The following CDHR3 variants were observed in gnomAD, a reference collection of about 807,000 sequenced individuals.
CDHR3 encodes the protein cadherin related family member 3.
In CDHR3, 79 loss-of-function variants were observed where a neutral mutation model predicts 86.6. The observed-to-expected ratio is 0.91, with a 90% confidence interval of 0.76 to 1.10. CDHR3 has a LOEUF of 1.10. Ranked by LOEUF, CDHR3 falls within the 50% of genes least tolerant of loss-of-function variation. CDHR3 has a pLI of 0.00. For missense variants in CDHR3, 1,081 were observed against 1,077.6 expected (o/e 1.00, Z -0.04); for synonymous variants, 421 against 402.4 (o/e 1.05, Z -0.55).
intron 16 of CDHR3, among the ~76,000 whole-genome samples, chr7:106,027,165 G>A (rs1724230273): frequency 6.6e-6 from 1 of 152,150 alleles, no homozygotes; most frequent in South Asian, 2.1e-4. Context: ...GAGAGGACGA[G>A]GTGGGTGGAT....
chr7:105,990,327 A>G (rs1326926050), intron 4 of CDHR3, among the ~76,000 whole-genome samples: 1 of 152,244 alleles, frequency 6.6e-6, no homozygotes, highest in Non-Finnish European at 1.5e-5. Context: ...AACCACGAGC[A>G]GGAGCCACGT....
intron 10 of CDHR3, among the ~76,000 whole-genome samples, chr7:106,015,682 T>C (rs1835503956): frequency 6.6e-6 from 1 of 152,206 alleles, no homozygotes; most frequent in Non-Finnish European, 1.5e-5. Flanking sequence ...TCTATCCTTA[T>C]AAGGCTCAGC....
At chr7:105,989,090 T>C (rs1475487199) in intron 4 of CDHR3, among the ~76,000 whole-genome samples, 2 of 152,194 alleles carry the variant, frequency 1.3e-5, no homozygotes, top group Non-Finnish European at 2.9e-5. Flanking sequence ...TTCTGTGTTG[T>C]GGTGGGCATG....
At chr7:106,005,705 T>C (rs1364485735) in intron 8 of CDHR3, among the ~76,000 whole-genome samples, 1 of 152,180 alleles carries the variant, frequency 6.6e-6, no homozygotes, top group Non-Finnish European at 1.5e-5. Flanking sequence ...TAGACCAGGA[T>C]TGCCTAGGAG....
At chr7:106,005,865 A>G (rs1298724097) in intron 8 of CDHR3, among the ~76,000 whole-genome samples, 1 of 152,184 alleles carries the variant, frequency 6.6e-6, no homozygotes, top group African/African-American at 2.4e-5. Context: ...CCCCTGACTT[A>G]TCCCTTTAGA....
chr7:106,004,688 G>A lies in CDHR3; in HGVS notation c.1052+1G>A. ...CCACATGCCAAAAGTTCACCTTCAG[G>A]TATGCACACTTTGAAAGTTGGGCTG... is the stretch of plus-strand genomic sequence containing the variant. On this transcript the variant is annotated splice_donor_variant, in intron 8 of 18. Coordinates refer to ENST00000317716, the MANE Select transcript of CDHR3 (RefSeq NM_152750.5). LOFTEE classifies it high-confidence loss of function. 6.2e-7 allele frequency: 1 copy of A among 1,613,932 alleles called. No homozygotes were observed. The highest frequency in any genetic ancestry group is 8.5e-7 in the Non-Finnish European group (1 of 1,179,868).
At chr7:105,976,159 T>G (rs547057792) in intron 2 of CDHR3, among the ~76,000 whole-genome samples, 2 of 152,174 alleles carry the variant, frequency 1.3e-5, no homozygotes, top group African/African-American at 4.8e-5. Flanking sequence ...ATTCAGCTTG[T>G]CTTTAACAGC....
chr7:105,968,619 C>G (rs1827363953), intron 1 of CDHR3, among the ~76,000 whole-genome samples: 1 of 152,142 alleles, frequency 6.6e-6, no homozygotes, highest in Non-Finnish European at 1.5e-5. Flanking sequence ...GTTCGGCCTC[C>G]CAGAGTGCTG....
At chr7:105,996,599 G>A (rs1832274895) in intron 6 of CDHR3, among the ~76,000 whole-genome samples, 1 of 152,132 alleles carries the variant, frequency 6.6e-6, no homozygotes, top group Non-Finnish European at 1.5e-5. Context: ...GATATGGTGG[G>A]GAGAAGGGGT....
intron 4 of CDHR3, among the ~76,000 whole-genome samples, chr7:105,989,361 TAATC>T (rs1831015212): frequency 6.6e-6 from 1 of 151,648 alleles, no homozygotes. Flanking sequence ...CCCAGGATGT[TAATC>T]AATCTCTCAG....
chr7:106,008,741 C>A (rs1238981194), intron 8 of CDHR3, among the ~76,000 whole-genome samples: 1 of 152,116 alleles, frequency 6.6e-6, no homozygotes, highest in Non-Finnish European at 1.5e-5. Context: ...ATCACACTTA[C>A]ACTTTCTTTG....
In CDHR3 at chr7:106,015,202, C is replaced by T. The variant is rs1459534663; in HGVS notation, c.1316C>T (p.Pro439Leu). ...VIIQVQDVAP[P>L]YYKNNVYVYI... ...ATCCAGGTGCAGGATGTGGCCCCCC[C>T]TTACTATAAAAGCAAGTATCATTTT... The change falls in exon 10 of 19, where the codon CCT becomes CTT. Residue 439 changes from proline (P) to leucine (L), a missense_variant. Coordinates refer to ENST00000317716, the MANE Select transcript of CDHR3 (RefSeq NM_152750.5). The T allele has an allele frequency of 3.1e-6, 5 of 1,607,656 alleles. No individual in the cohort carries two copies. The African/African-American group carries it at 5.4e-5, about 17-fold the overall frequency.
intron 4 of CDHR3, among the ~76,000 whole-genome samples, chr7:105,989,112 G>A (rs1168021363): frequency 1.3e-5 from 2 of 152,118 alleles, no homozygotes; most frequent in Admixed American, 6.6e-5. Flanking sequence ...AGGTAGAGCC[G>A]GGGCTTGGCT....
intron 14 of CDHR3, among the ~76,000 whole-genome samples, chr7:106,024,060 C>T (rs1836986686): frequency 6.6e-6 from 1 of 152,068 alleles, no homozygotes; most frequent in Non-Finnish European, 1.5e-5. Flanking sequence ...CTATATTCGT[C>T]CCTGGGTTAT....
chr7:105,996,337 A>G lies in CDHR3; in HGVS notation c.696A>G (p.Glu232=). 2 of 1,593,532 alleles carry G rather than the reference A, an allele frequency of 1.3e-6. No individual in the cohort carries two copies. Among genetic ancestry groups the G allele is most frequent in the South Asian group, 2.2e-5 (2 of 89,724 alleles). Residue 232 remains glutamate (E), a synonymous_variant, in exon 6 of 19, where the codon GAA becomes GAG. Coordinates refer to ENST00000317716, the MANE Select transcript of CDHR3 (RefSeq NM_152750.5). ...LQVNIVNLND[E]VPRFTSPTRV... is the part of the protein sequence containing the mutation. ...TGAACATCGTGAACCTCAACGACGA[A>G]GTCCCTCGCTTTACCAGGTAGGCCT...
chr7:106,002,454 C>A (rs1833344173), intron 7 of CDHR3, among the ~76,000 whole-genome samples: 1 of 143,474 alleles, frequency 7.0e-6, no homozygotes, highest in South Asian at 3.0e-4. Flanking sequence ...CCTGGCATCT[C>A]TGTCTTCCAG....
At chr7:106,010,211 T>C (rs1834587416) in intron 8 of CDHR3, among the ~76,000 whole-genome samples, 1 of 152,152 alleles carries the variant, frequency 6.6e-6, no homozygotes, top group African/African-American at 2.4e-5. Flanking sequence ...TGCATGGAAG[T>C]TAAAGTTTAC....
At chr7:106,013,143 G>A (rs1008193138) in intron 9 of CDHR3, 112 bp downstream of exon 9, 16 of 881,642 alleles carry the variant, frequency 1.8e-5, no homozygotes, top group South Asian at 3.8e-5. Context: ...CTCTCAGAGC[G>A]ACTGTAACTG....
intron 14 of CDHR3, among the ~76,000 whole-genome samples, chr7:106,023,272 T>C (rs938570751): frequency 1.3e-5 from 2 of 152,192 alleles, no homozygotes; most frequent in African/African-American, 4.8e-5. Context: ...GTGAGCTGTG[T>C]TTTCAATCAG....
Sources: allele counts gnomAD v4.1 joint callset (sites outside exome capture counted in the v4.1 genomes callset), GRCh38; gene constraint gnomAD v4.1.1; transcripts MANE v1.5; gene names NCBI Gene and HGNC (gene_info 2026-07-23, HGNC 2026-07-21).